The following ATP10B variants were observed in gnomAD, a reference collection of about 807,000 sequenced individuals.
ATP10B encodes ATPase phospholipid transporting 10B (putative).
A neutral mutation model predicts 141.2 loss-of-function variants in ATP10B; 122 were observed. The observed-to-expected ratio is 0.86, with a 90% CI of 0.75 to 1.00. The LOEUF (loss-of-function observed/expected upper bound fraction) is 1.00, where lower values mean the gene tolerates loss of function less well. Among genes scored for constraint, ATP10B ranks in the 50% least tolerant of loss-of-function variants. ATP10B has a pLI of 0.00. For synonymous variants in ATP10B, 685 were observed against 692.0 expected, an observed-to-expected ratio of 0.99 and a Z score of 0.16; for missense variants, 1,876 against 1,825.3, an observed-to-expected ratio of 1.03 and a Z score of -0.51.
chr5:160,690,549 A>G (rs1018512722), intron 3 of ATP10B, among the ~76,000 whole-genome samples: 3 of 152,228 alleles, frequency 2.0e-5, no homozygotes, highest in Non-Finnish European at 4.4e-5. Flanking sequence ...GGCAAAGGAC[A>G]TGAACAGACA....
At chr5:160,797,036 C>T (rs537923011) in intron 1 of ATP10B, among the ~76,000 whole-genome samples, 3 of 152,124 alleles carry the variant, frequency 2.0e-5, no homozygotes, top group Non-Finnish European at 4.4e-5. Flanking sequence ...TGGGGGCACC[C>T]AAGGGTGGAC....
At chr5:160,884,516 C>G in the ATP10B span, among the ~76,000 whole-genome samples, 1 of 152,096 alleles carries the variant, frequency 6.6e-6, no homozygotes, top group Non-Finnish European at 1.5e-5. Flanking sequence ...GCTATCTCAG[C>G]CTGATGCTAG....
chr5:160,755,532 T>C (rs2127829194), intron 2 of ATP10B, among the ~76,000 whole-genome samples: 1 of 151,654 alleles, frequency 6.6e-6, no homozygotes, highest in Admixed American at 6.6e-5. Context: ...ATATATATTA[T>C]AGTCCGGGCG....
chr5:160,928,423 C>G, the ATP10B span, among the ~76,000 whole-genome samples: 1 of 152,148 alleles, frequency 6.6e-6, no homozygotes, highest in Non-Finnish European at 1.5e-5. Context: ...AGGCTATTTA[C>G]AAACCCAAAT....
At chr5:160,914,569 T>A in the ATP10B span, among the ~76,000 whole-genome samples, 6 of 152,260 alleles carry the variant, frequency 3.9e-5, no homozygotes, top group African/African-American at 1.4e-4. Context: ...ATTATTTGTA[T>A]TGCTGTACTG....
At chr5:160,880,781 A>AACC in the ATP10B span, among the ~76,000 whole-genome samples, 1 of 152,362 alleles carries the variant, frequency 6.6e-6, no homozygotes, top group East Asian at 1.9e-4. Flanking sequence ...CATCTTTCAC[A>AACC]AAGATTAAAT....
At chr5:160,847,104 C>T (rs1163202481) in intron 1 of ATP10B, among the ~76,000 whole-genome samples, 1 of 152,038 alleles carries the variant, frequency 6.6e-6, no homozygotes, top group Non-Finnish European at 1.5e-5. Flanking sequence ...GACTGGAGCT[C>T]AAAGAGAGTA....
At chr5:160,846,540 T>C (rs1050258660) in intron 1 of ATP10B, among the ~76,000 whole-genome samples, 4 of 152,156 alleles carry the variant, frequency 2.6e-5, no homozygotes, top group Non-Finnish European at 5.9e-5. Context: ...TACTCTATAA[T>C]GCCACCTGTA....
intron 24 of ATP10B, among the ~76,000 whole-genome samples, chr5:160,573,607 C>G (rs571418906): frequency 6.6e-6 from 1 of 152,054 alleles, no homozygotes; most frequent in Admixed American, 6.6e-5. Context: ...CATAGGAGCA[C>G]GAGAACTCTA....
the ATP10B span, among the ~76,000 whole-genome samples, chr5:160,904,126 T>G: frequency 2.6e-5 from 4 of 151,230 alleles, no homozygotes; most frequent in Middle Eastern, 3.4e-3. Context: ...GAGGCTAGTG[T>G]TTTTTGTTTT....
chr5:160,573,446 A>G (rs184233318), intron 24 of ATP10B, among the ~76,000 whole-genome samples: 6 of 152,318 alleles, frequency 3.9e-5, no homozygotes, highest in African/African-American at 1.4e-4. Context: ...TATACTTTAA[A>G]GAAGAGGGGT....
chr5:160,757,775 A>C (rs531875608), intron 2 of ATP10B, among the ~76,000 whole-genome samples: 1 of 152,304 alleles, frequency 6.6e-6, no homozygotes, highest in East Asian at 1.9e-4. Context: ...AATGTAATCC[A>C]ATTTGTCTTG....
chr5:160,683,035 T>TCCC (rs147720108), intron 6 of ATP10B, among the ~76,000 whole-genome samples: 12 of 48,752 alleles, frequency 2.5e-4, no homozygotes, highest in Non-Finnish European at 2.7e-4. Flanking sequence ...CAAGACTCTG[T>TCCC]CCCCCAAAAA....
chr5:160,924,039 C>A, the ATP10B span, among the ~76,000 whole-genome samples: 1 of 152,166 alleles, frequency 6.6e-6, no homozygotes, highest in Non-Finnish European at 1.5e-5. Flanking sequence ...TTAAGCAGCT[C>A]AACTATGTCT....
intron 24 of ATP10B, among the ~76,000 whole-genome samples, chr5:160,580,501 G>A (rs1392234932): frequency 6.6e-6 from 1 of 152,164 alleles, no homozygotes; most frequent in Non-Finnish European, 1.5e-5. Context: ...TGCATCCCAG[G>A]GATGAAGCTG....
intron 17 of ATP10B, chr5:160,613,773 C>A (rs1341838022): frequency 6.6e-6 from 1 of 152,186 alleles, no homozygotes; most frequent in Non-Finnish European, 1.5e-5. Flanking sequence ...TCAAGCTTTG[C>A]ACCAGCCCTG....
rs1758271865 is a variant in ATP10B, at chr5:160,620,580, A to G, written c.2183T>C (p.Val728Ala). 1 of 1,613,866 alleles carries G rather than the reference A, an allele frequency of 6.2e-7. No homozygotes were observed. Among genetic ancestry groups the G allele is most frequent in the African/African-American group, 1.3e-5 (1 of 75,044 alleles). ...EAESPDEAAL[V>A]HAAHAYSFTL... ...GAAGCTGTAGGCATGGGCAGCGTGC[A>G]CCAGGGCGGCCTCATCAGGGCTCTC... The change falls in exon 15 of 26, where the codon GTG (valine) becomes GCG (alanine). Residue 728 changes from valine (V) to alanine (A), a missense_variant. Coordinates refer to ENST00000327245, the MANE Select transcript of ATP10B (RefSeq NM_025153.3).
At chr5:160,659,983 A>C (rs1761802560) in intron 7 of ATP10B, among the ~76,000 whole-genome samples, 1 of 152,170 alleles carries the variant, frequency 6.6e-6, no homozygotes, top group Admixed American at 6.5e-5. Flanking sequence ...CTCATCTCTA[A>C]TATGTTGCTA....
At chr5:160,788,850 C>T (rs1158679145) in intron 1 of ATP10B, among the ~76,000 whole-genome samples, 3 of 152,100 alleles carry the variant, frequency 2.0e-5, no homozygotes, top group African/African-American at 7.2e-5. Context: ...ACCATCCATC[C>T]ATCCACTCAT....
Sources: gnomAD v4.1 joint callset for allele counts (sites outside exome capture counted in the v4.1 genomes callset) on GRCh38, gnomAD v4.1.1 for gene constraint, MANE v1.5 for transcripts, NCBI Gene and HGNC (gene_info 2026-07-23, HGNC 2026-07-21) for gene names.